The following SLIT2 variants were observed in gnomAD, a reference collection of about 807,000 sequenced individuals.
SLIT2 encodes slit guidance ligand 2.
In SLIT2, 41 loss-of-function variants were observed where a neutral mutation model predicts 185.7. The observed-to-expected ratio is 0.22, with a 90% confidence interval of 0.17 to 0.29. The LOEUF is 0.29. Ranked by LOEUF, SLIT2 falls within the 10% of genes least tolerant of loss-of-function variation. The pLI is 1.00. For missense variants in SLIT2, 1,571 were observed against 1,909.0 expected (o/e 0.82, Z 3.30); for synonymous variants, 693 against 680.2 (o/e 1.02, Z -0.29).
At chr4:20,392,660 A>G (rs1030810011) in intron 4 of SLIT2, among the ~76,000 whole-genome samples, 6 of 152,100 alleles carry the variant, frequency 3.9e-5, no homozygotes, top group Admixed American at 3.9e-4. Flanking sequence ...CTTTCTTTAT[A>G]TCTTTATAAG....
intron 4 of SLIT2, among the ~76,000 whole-genome samples, chr4:20,316,163 T>G (rs2575077): frequency 0.9 from 136,815 of 151,972 alleles, 61,712 homozygotes; most frequent in East Asian, 1. Context: ...GAGGAAAAAA[T>G]ATTTATTCTA....
intron 4 of SLIT2, among the ~76,000 whole-genome samples, chr4:20,358,796 A>G (rs1387394760): frequency 6.6e-6 from 1 of 152,146 alleles, no homozygotes; most frequent in Non-Finnish European, 1.5e-5. Flanking sequence ...CTGATAGCAT[A>G]TACAGCAGTC....
intron 36 of SLIT2, 118 bp downstream of exon 36, chr4:20,617,768 A>C: frequency 1.5e-6 from 1 of 675,804 alleles, no homozygotes; most frequent in East Asian, 2.7e-5. Flanking sequence ...ACAGAGACAG[A>C]GAGAGGGGAG....
At chr4:20,467,236 C>T (rs999451474) in intron 4 of SLIT2, among the ~76,000 whole-genome samples, 1 of 152,088 alleles carries the variant, frequency 6.6e-6, no homozygotes, top group Non-Finnish European at 1.5e-5. Context: ...GCCGGTTCTG[C>T]CATGTTCCAT....
At chr4:20,279,755 C>T (rs1282695607) in intron 4 of SLIT2, among the ~76,000 whole-genome samples, 2 of 152,152 alleles carry the variant, frequency 1.3e-5, no homozygotes, top group Non-Finnish European at 2.9e-5. Context: ...CATGTACTTA[C>T]TTTTTTTGCT....
At chr4:20,425,787 AC>A (rs1728517207) in intron 4 of SLIT2, among the ~76,000 whole-genome samples, 1 of 152,224 alleles carries the variant, frequency 6.6e-6, no homozygotes. Context: ...AGAAAGTGGT[AC>A]TTTTGCTGAA....
chr4:20,542,408 G>C, intron 20 of SLIT2, 86 bp from the exon 21 acceptor site: 2 of 1,262,504 alleles, frequency 1.6e-6, no homozygotes, highest in South Asian at 2.6e-5. Flanking sequence ...TCTTGTGTTT[G>C]TTAAGTTAAT....
intron 33 of SLIT2, among the ~76,000 whole-genome samples, 197 bp downstream of exon 33, chr4:20,598,592 G>A (rs2148962204): frequency 6.6e-6 from 1 of 152,224 alleles, no homozygotes; most frequent in East Asian, 1.9e-4. Context: ...TTTGTAAGGG[G>A]ACTGCTATGC....
At chr4:20,492,795 A>G (rs1717895045) in intron 9 of SLIT2, among the ~76,000 whole-genome samples, 1 of 152,264 alleles carries the variant, frequency 6.6e-6, no homozygotes, top group Middle Eastern at 3.4e-3. Flanking sequence ...CTCATTTTTA[A>G]CCAATTTATT....
intron 29 of SLIT2, among the ~76,000 whole-genome samples, chr4:20,578,197 C>T (rs1726230162): frequency 6.6e-6 from 1 of 152,036 alleles, no homozygotes; most frequent in African/African-American, 2.4e-5. Context: ...TTTTTTTATC[C>T]AGCACTAGTT....
chr4:20,298,368 C>T (rs1373214392), intron 4 of SLIT2, among the ~76,000 whole-genome samples: 6 of 152,070 alleles, frequency 3.9e-5, no homozygotes, highest in African/African-American at 9.7e-5. Flanking sequence ...GGATTACAGA[C>T]GTGAGCCACT....
chr4:20,301,603 G>T (rs866918042), intron 4 of SLIT2, among the ~76,000 whole-genome samples: 1 of 152,128 alleles, frequency 6.6e-6, no homozygotes, highest in South Asian at 2.1e-4. Flanking sequence ...TTCACTAGAA[G>T]AGCTAAGGAA....
intron 4 of SLIT2, among the ~76,000 whole-genome samples, chr4:20,462,959 C>T (rs951452846): frequency 1.3e-5 from 2 of 152,170 alleles, no homozygotes; most frequent in African/African-American, 4.8e-5. Flanking sequence ...ACCATCACCT[C>T]TCTAGTCCCT....
chr4:20,395,631 G>A (rs1269276185), intron 4 of SLIT2, among the ~76,000 whole-genome samples: 5 of 151,980 alleles, frequency 3.3e-5, no homozygotes, highest in African/African-American at 4.8e-5. Flanking sequence ...TACCAAAAAA[G>A]CATTGGGCAA....
At chr4:20,446,119 C>A (rs1451676887) in intron 4 of SLIT2, among the ~76,000 whole-genome samples, 2 of 152,114 alleles carry the variant, frequency 1.3e-5, no homozygotes, top group African/African-American at 4.8e-5. Context: ...CGGGTTAATT[C>A]CTTTGACCTT....
chr4:20,510,993 A>G lies in SLIT2; in HGVS notation c.987-73A>G, dbSNP rs1323705577. ...AGTACAAAACCAACATTTAAAAGCC[A>G]TACATAGCTTTTTCCGCAGTAAATC... On this transcript the variant is annotated intron_variant, in intron 10 of 36. Coordinates refer to ENST00000504154, the MANE Select transcript of SLIT2 (RefSeq NM_004787.4). 4 of 933,220 alleles carry G rather than the reference A, an allele frequency of 4.3e-6. No individual in the cohort carries two copies. The African/African-American group carries it at 6.5e-5, about 15-fold the overall frequency. 57.8% of individuals were successfully genotyped at this position (933,220 alleles called of 1,614,324 possible). A position where few individuals can be genotyped will look rare whatever the true frequency, so the allele number is the denominator to read the frequency against.
intron 5 of SLIT2, among the ~76,000 whole-genome samples, chr4:20,478,616 A>G (rs764769961): frequency 6.6e-6 from 1 of 152,182 alleles, no homozygotes; most frequent in Admixed American, 6.5e-5. Flanking sequence ...GGATAATAAG[A>G]TATGGGCAAA....
intron 9 of SLIT2, among the ~76,000 whole-genome samples, chr4:20,492,799 A>T (rs1717895982): frequency 6.6e-6 from 1 of 152,156 alleles, no homozygotes; most frequent in East Asian, 1.9e-4. Context: ...TTTTTAACCA[A>T]TTTATTTAAT....
At chr4:20,284,157 G>T (rs1715050764) in intron 4 of SLIT2, among the ~76,000 whole-genome samples, 1 of 152,158 alleles carries the variant, frequency 6.6e-6, no homozygotes, top group South Asian at 2.1e-4. Flanking sequence ...CCACCACCCT[G>T]CCTGGAGAAT....
Sources: allele counts gnomAD v4.1 joint callset (sites outside exome capture counted in the v4.1 genomes callset), GRCh38; gene constraint gnomAD v4.1.1; transcripts MANE v1.5; gene names NCBI Gene and HGNC (gene_info 2026-07-23, HGNC 2026-07-21).